Variants in IFT74 observed in about 807,000 individuals in gnomAD.
The protein encoded by IFT74 is intraflagellar transport 74, also known as intraflagellar transport protein 74 homolog.
In IFT74, 92 loss-of-function variants were observed where a neutral mutation model predicts 96.7. The observed-to-expected ratio is 0.95, with a 90% CI of 0.80 to 1.13. The LOEUF (loss-of-function observed/expected upper bound fraction) is 1.13. IFT74 is among the 50% of genes most tolerant of loss of function. The probability of loss-of-function intolerance (pLI) is 0.00; values close to 1 mark genes in which losing one functional copy is unlikely to be tolerated. For missense variants in IFT74, 811 were observed against 698.2 expected, an observed-to-expected ratio of 1.16 and a Z score of -1.82; for synonymous variants, 223 against 213.2, an observed-to-expected ratio of 1.05 and a Z score of -0.40.
At chr9:27,023,801 A>G (rs952724889) in intron 12 of IFT74, among the ~76,000 whole-genome samples, 4 of 152,122 alleles carry the variant, frequency 2.6e-5, no homozygotes, top group Non-Finnish European at 5.9e-5. Context: ...TCCATCACCC[A>G]CATTGGCCAT....
At chr9:26,962,653 A>G (rs1055946416) in intron 2 of IFT74, among the ~76,000 whole-genome samples, 1 of 152,388 alleles carries the variant, frequency 6.6e-6, no homozygotes, top group East Asian at 1.9e-4. Context: ...TCAGAATTCT[A>G]CATAGCTTAG....
At chr9:27,047,408 T>A in intron 15 of IFT74, 37 bp downstream of exon 15, 1 of 1,308,030 alleles carries the variant, frequency 7.6e-7, no homozygotes, top group South Asian at 1.3e-5. Context: ...TCCTCTTTAT[T>A]TTTGCCGTGA....
chr9:26,954,814 A>C (rs575636234), upstream of IFT74, among the ~76,000 whole-genome samples: 1 of 152,096 alleles, frequency 6.6e-6, no homozygotes, highest in African/African-American at 2.4e-5. Context: ...TTACTAACCA[A>C]ATTACAACTT....
At chr9:26,959,406 G>A (rs902879928) in intron 1 of IFT74, among the ~76,000 whole-genome samples, 4 of 152,198 alleles carry the variant, frequency 2.6e-5, no homozygotes, top group African/African-American at 9.7e-5. Context: ...ACCGCGCCCG[G>A]CTGGATATAA....
chr9:27,060,521 A>G (rs1009170525), intron 18 of IFT74, 70 bp from the exon 19 acceptor site: 6 of 987,798 alleles, frequency 6.1e-6, no homozygotes, highest in African/African-American at 1.7e-5. Context: ...TTTTTGTCTT[A>G]TCCTCTTAGA....
At chr9:26,958,078 G>A (rs1250440808) in intron 1 of IFT74, among the ~76,000 whole-genome samples, 1 of 151,668 alleles carries the variant, frequency 6.6e-6, no homozygotes, top group East Asian at 2.0e-4. Flanking sequence ...TAACAATTTA[G>A]TAAATTTTTG....
chr9:26,982,386 C>G (rs373171945), intron 4 of IFT74: 4 of 441,918 alleles, frequency 9.1e-6, no homozygotes, highest in African/African-American at 6.2e-5. Context: ...GCCTCAGCCT[C>G]GTGCCTGTAA....
chr9:27,030,451 G>A (rs2131645533), intron 13 of IFT74, among the ~76,000 whole-genome samples: 1 of 151,376 alleles, frequency 6.6e-6, no homozygotes, highest in Non-Finnish European at 1.5e-5. Context: ...GGGAGGCTGA[G>A]GCAGGAGAAT....
At position 26,962,142 on chromosome 9, in the gene IFT74, G is replaced by C. The variant is rs920023760; in HGVS notation, c.120+55G>C. The stretch of plus-strand genomic sequence containing the variant: ...GGAGGCCAAGGTGGGAGGACCACTT[G>C]AGTCCAGGAGACTGGGGCTTCAGTG... On this transcript the variant is annotated intron_variant, in intron 2 of 19. Coordinates refer to ENST00000380062, the MANE Select transcript of IFT74 (RefSeq NM_025103.4). 29 of 1,573,564 alleles carry C rather than the reference G, an allele frequency of 1.8e-5. No individual in the cohort carries two copies. The Admixed American group carries it at 3.0e-4, about 17-fold the overall frequency.
chr9:26,982,451 A>ATTT lies in IFT74; in HGVS notation c.306-1786_306-1784dup, dbSNP rs56756518. The ATTT allele has an allele frequency of 7.6e-3, 1,633 of 215,242 alleles. 22 individuals are homozygous for ATTT. Among genetic ancestry groups the ATTT allele is most frequent in the African/African-American group, 0.027 (655 of 24,380 alleles). 13.3% of individuals were successfully genotyped at this position (215,242 alleles called of 1,614,324 possible). A position where few individuals can be genotyped will look rare whatever the true frequency, so the allele number is the denominator to read the frequency against. On this transcript the variant is annotated intron_variant, in intron 4 of 19. Coordinates refer to ENST00000380062, the MANE Select transcript of IFT74 (RefSeq NM_025103.4). ...GCCACCACACTTGGCTAATTTTTGTATTTTTTTTTTTTTTTTTTTTTTGAG... is the reference window on the plus strand; with the variant it reads ...GCCACCACACTTGGCTAATTTTTGTATTTTTTTTTTTTTTTTTTTTTTTTTGAG...
At chr9:27,052,280 C>T (rs977856288) in intron 16 of IFT74, among the ~76,000 whole-genome samples, 7 of 152,058 alleles carry the variant, frequency 4.6e-5, no homozygotes, top group South Asian at 2.1e-4. Context: ...GAGGCCAAGG[C>T]GGGCGGATCA....
intron 8 of IFT74, chr9:26,998,127 T>G: frequency 1.2e-6 from 2 of 1,612,102 alleles, no homozygotes; most frequent in Non-Finnish European, 1.7e-6. Context: ...AGAACTCTTG[T>G]GTCTGTACCA....
upstream of IFT74, among the ~76,000 whole-genome samples, chr9:26,951,572 A>G (rs1825935329): frequency 2.0e-5 from 3 of 152,226 alleles, no homozygotes; most frequent in Non-Finnish European, 4.4e-5. Flanking sequence ...TTGAAAAAAC[A>G]AAGTCCATAT....
At position 27,009,162 on chromosome 9, in the gene IFT74, A is replaced by C. The variant is rs1473029021; in HGVS notation, c.726+4A>C. On this transcript the variant is annotated splice_donor_region_variant and intron_variant, in intron 9 of 19. Transcript: ENST00000380062. Reference sequence around the variant, plus strand: ...CACAAATGAGAAACTGTTACAGGTAATACAAATTACTGCTGTGTGCCAAGC... The same window carrying C: ...CACAAATGAGAAACTGTTACAGGTACTACAAATTACTGCTGTGTGCCAAGC... 1.2e-6 allele frequency: 2 copies of C among 1,610,054 alleles called. No individual in the cohort carries two copies. Among genetic ancestry groups the C allele is most frequent in the Non-Finnish European group, 1.7e-6 (2 of 1,178,186 alleles).
intron 12 of IFT74, 43 bp downstream of exon 12, chr9:27,018,730 T>G: frequency 8.0e-7 from 1 of 1,247,630 alleles, no homozygotes; most frequent in Non-Finnish European, 1.1e-6. Flanking sequence ...CATTTCTCAC[T>G]TTAAAAATTA....
At chr9:27,017,168 T>C in intron 11 of IFT74, 118 bp downstream of exon 11, 1 of 641,492 alleles carries the variant, frequency 1.6e-6, no homozygotes, top group Non-Finnish European at 2.5e-6. Flanking sequence ...TGTCTAAAAA[T>C]AGTTTATGTG....
At chr9:26,976,324 G>A (rs1176014556) in intron 2 of IFT74, among the ~76,000 whole-genome samples, 1 of 152,170 alleles carries the variant, frequency 6.6e-6, no homozygotes, top group East Asian at 1.9e-4. Flanking sequence ...TCAAACAAAG[G>A]ATTTCTCAGC....
chr9:27,011,902 T>G lies in IFT74; in HGVS notation c.727-4T>G. 3 of 1,538,026 alleles carry G rather than the reference T, an allele frequency of 2.0e-6. No homozygotes were observed. In the East Asian group the frequency reaches 7.1e-5, roughly 36 times the overall value. ...TTTATGTTTGCTTTTTTTTTTCCAC[T>G]TAGGAATTAGATACACTTCAACAAC... On this transcript the variant is annotated splice_polypyrimidine_tract_variant and splice_region_variant and intron_variant, in intron 9 of 19. Coordinates refer to ENST00000380062, the MANE Select transcript of IFT74 (RefSeq NM_025103.4).
intron 7 of IFT74, among the ~76,000 whole-genome samples, chr9:26,989,095 G>T (rs1343612043): frequency 1.3e-5 from 2 of 152,176 alleles, no homozygotes; most frequent in Non-Finnish European, 2.9e-5. Context: ...ACTTTACATA[G>T]TTTTTGTCAC....
Sources: gnomAD v4.1 joint callset for allele counts (sites outside exome capture counted in the v4.1 genomes callset) on GRCh38, gnomAD v4.1.1 for gene constraint, MANE v1.5 for transcripts, NCBI Gene and HGNC (gene_info 2026-07-23, HGNC 2026-07-21) for gene names.